PDZD2: variants seen among roughly 807,000 people sequenced by gnomAD.
PDZD2 encodes PDZ domain-containing protein 2.
In PDZD2, 90 loss-of-function variants were observed where a neutral mutation model predicts 220.7. The ratio of observed to expected loss-of-function variants is 0.41; its 90% CI spans 0.34 to 0.49. PDZD2 has a LOEUF of 0.49. Ranked by LOEUF, PDZD2 falls within the 20% of genes least tolerant of loss-of-function variation. The pLI, the probability that PDZD2 is intolerant of heterozygous loss-of-function variation, is 0.28. For missense variants in PDZD2, 3,174 were observed against 3,608.5 expected, an observed-to-expected ratio of 0.88 and a Z score of 3.08; for synonymous variants, 1,375 against 1,450.5, an observed-to-expected ratio of 0.95 and a Z score of 1.18.
At chr5:31,911,852 A>G (rs973254783) in intron 2 of PDZD2, among the ~76,000 whole-genome samples, 1 of 152,152 alleles carries the variant, frequency 6.6e-6, no homozygotes, top group Admixed American at 6.5e-5. Flanking sequence ...CTGGATCACA[A>G]TGGGTGACCC....
intron 2 of PDZD2, among the ~76,000 whole-genome samples, chr5:31,912,931 C>T (rs1434679592): frequency 6.8e-6 from 1 of 146,378 alleles, no homozygotes; most frequent in Non-Finnish European, 1.5e-5. Context: ...ACCCAGTGAA[C>T]AAAAGTTTAG....
intron 2 of PDZD2, among the ~76,000 whole-genome samples, chr5:31,867,882 T>TGTGGG (rs1181100300): frequency 5.9e-5 from 4 of 67,384 alleles, no homozygotes; most frequent in Non-Finnish European, 8.7e-5. Context: ...AGGCAGCAGG[T>TGTGGG]GTGGGGTGGG....
At chr5:31,990,579 C>T (rs1751129124) in intron 3 of PDZD2, among the ~76,000 whole-genome samples, 1 of 152,226 alleles carries the variant, frequency 6.6e-6, no homozygotes, top group Non-Finnish European at 1.5e-5. Flanking sequence ...GATCTCCCAT[C>T]TGTGTGAGCT....
intron 2 of PDZD2, among the ~76,000 whole-genome samples, chr5:31,982,459 C>G (rs911336103): frequency 3.9e-5 from 6 of 152,258 alleles, no homozygotes; most frequent in African/African-American, 1.4e-4. Context: ...AGGCAGGGAC[C>G]ACCACACCGG....
intron 1 of PDZD2, among the ~76,000 whole-genome samples, chr5:31,688,972 C>T (rs1746982675): frequency 6.6e-6 from 1 of 152,278 alleles, no homozygotes; most frequent in East Asian, 1.9e-4. Flanking sequence ...GCTGGGAGCT[C>T]AATGGCCTAG....
intron 1 of PDZD2, among the ~76,000 whole-genome samples, chr5:31,769,554 A>G (rs986279780): frequency 3.9e-5 from 6 of 152,244 alleles, no homozygotes; most frequent in Non-Finnish European, 5.9e-5. Flanking sequence ...ATTTTGCCTA[A>G]AAGAGCCCGG....
In PDZD2 at chr5:31,997,896, G is replaced by A. The variant is rs141908181; in HGVS notation, c.1121+2178G>A. On this transcript the variant is annotated intron_variant, in intron 4 of 24. Coordinates refer to ENST00000438447, the MANE Select transcript of PDZD2 (RefSeq NM_178140.4). ...CTCGCTCTGTTGCCTAGGCTGAAGT[G>A]CAGTGGCGCGATCTCGGCTCACCAC... 3.7e-3 allele frequency among the ~76,000 whole-genome samples: 571 copies of A among 152,280 alleles called. 4 individuals are homozygous for A. The highest frequency in any genetic ancestry group is 0.013 in the African/African-American group (548 of 41,576).
At chr5:32,091,244 G>A (rs1743126508) in intron 20 of PDZD2, 69 bp downstream of exon 20, 4 of 960,384 alleles carry the variant, frequency 4.2e-6, no homozygotes, top group Non-Finnish European at 1.5e-6. Context: ...TAGATTTATA[G>A]AAAAGTTGCA....
In PDZD2 at chr5:31,886,633, C is replaced by CCAGTGACTATTACAGGTCTGTTA. The variant is rs1561542260; in HGVS notation, c.476+86917_476+86918insATTACAGGTCTGTTACAGTGACT. ...TGGAATTGAGGTCTTATTGGAGGAC[C>CCAGTGACTATTACAGGTCTGTTA]CAGTGACTGTTACAGGTAGAGCCCA... On this transcript the variant is annotated intron_variant, in intron 2 of 24. Transcript: ENST00000438447. 4.0e-5 allele frequency among the ~76,000 whole-genome samples: 6 copies of CCAGTGACTATTACAGGTCTGTTA among 151,170 alleles called. No homozygotes were observed. In the East Asian group the frequency reaches 1.2e-3, roughly 30 times the overall value.
intron 1 of PDZD2, chr5:31,738,712 TAAATG>T (rs969752213): frequency 1.9e-4 from 29 of 152,030 alleles, no homozygotes; most frequent in East Asian, 3.9e-4. Flanking sequence ...TAGTCAAAAA[TAAATG>T]AAATGAAATG....
intron 1 of PDZD2, among the ~76,000 whole-genome samples, chr5:31,701,806 C>G (rs954535902): frequency 1.3e-5 from 2 of 152,340 alleles, no homozygotes; most frequent in Admixed American, 1.3e-4. Context: ...GGCGCCGACA[C>G]ACGAGAATAG....
At chr5:32,004,975 C>T (rs929622880) in intron 5 of PDZD2, among the ~76,000 whole-genome samples, 1 of 152,216 alleles carries the variant, frequency 6.6e-6, no homozygotes. Context: ...TCTTCCAATA[C>T]ACTCCATTTT....
At chr5:32,081,923 C>T (rs538259769) in intron 19 of PDZD2, among the ~76,000 whole-genome samples, 5 of 151,608 alleles carry the variant, frequency 3.3e-5, no homozygotes, top group South Asian at 2.1e-4. Context: ...GGGGTTTCAC[C>T]GTGTTAGGAT....
chr5:32,072,501 C>T (rs186602738), intron 17 of PDZD2, among the ~76,000 whole-genome samples, 184 bp downstream of exon 17: 12 of 152,230 alleles, frequency 7.9e-5, no homozygotes, highest in African/African-American at 2.6e-4. Context: ...GAGGCCGAGG[C>T]GGGGGGATCA....
At chr5:31,651,291 C>T (rs1745338793) in intron 1 of PDZD2, among the ~76,000 whole-genome samples, 2 of 152,202 alleles carry the variant, frequency 1.3e-5, no homozygotes, top group Admixed American at 1.3e-4. Flanking sequence ...AGGTAGAACT[C>T]TGGCCATTTG....
At chr5:31,647,666 A>G (rs1745185132) in intron 1 of PDZD2, among the ~76,000 whole-genome samples, 1 of 152,214 alleles carries the variant, frequency 6.6e-6, no homozygotes, top group Admixed American at 6.5e-5. Flanking sequence ...CATTGGAGTT[A>G]GGGCTACCCA....
chr5:31,878,479 G>T (rs1470164997), intron 2 of PDZD2, among the ~76,000 whole-genome samples: 1 of 150,890 alleles, frequency 6.6e-6, no homozygotes. Context: ...TGCTTAGAGG[G>T]ACCACAAATG....
chr5:31,848,015 A>G (rs1757687627), intron 2 of PDZD2: 2 of 384,592 alleles, frequency 5.2e-6, no homozygotes, highest in Middle Eastern at 1.0e-3. Context: ...AGAGAATCCA[A>G]TCTATGAGAA....
At chr5:32,018,364 G>A (rs948300487) in intron 6 of PDZD2, among the ~76,000 whole-genome samples, 6 of 152,330 alleles carry the variant, frequency 3.9e-5, no homozygotes, top group African/African-American at 9.6e-5. Context: ...TGTGCACGGC[G>A]TTGAGACAAA....
Sources: gnomAD v4.1 joint callset for allele counts (sites outside exome capture counted in the v4.1 genomes callset) on GRCh38, gnomAD v4.1.1 for gene constraint, MANE v1.5 for transcripts, NCBI Gene and HGNC (gene_info 2026-07-23, HGNC 2026-07-21) for gene names.